Variants in ACTR2 observed in about 807,000 individuals in gnomAD.
ACTR2 encodes actin-related protein 2.
ACTR2 carries 5 observed loss-of-function variants against 50.2 expected under a neutral mutation model. That is an observed-to-expected ratio of 0.10 (90% CI 0.05 to 0.21). ACTR2 has a LOEUF of 0.21. ACTR2 is among the 10% of genes least tolerant of loss of function. The pLI is 1.00. For synonymous variants in ACTR2, 140 were observed against 162.9 expected, an observed-to-expected ratio of 0.86 and a Z score of 1.07; for missense variants, 180 against 480.6, an observed-to-expected ratio of 0.37 and a Z score of 5.85.
chr2:65,232,668 GA>G (rs569600127), intron 1 of ACTR2, among the ~76,000 whole-genome samples: 2,263 of 147,500 alleles, frequency 0.015, 47 homozygotes, highest in African/African-American at 0.041. Context: ...TTTTTGAAGA[GA>G]AAAAAAAAAT....
chr2:65,231,995 C>T (rs993924870), intron 1 of ACTR2, among the ~76,000 whole-genome samples: 10 of 152,214 alleles, frequency 6.6e-5, no homozygotes, highest in African/African-American at 9.6e-5. Context: ...ATGTTGGTCC[C>T]GCTTGATTTT....
At chr2:65,232,061 T>G (rs947385279) in intron 1 of ACTR2, among the ~76,000 whole-genome samples, 1 of 152,192 alleles carries the variant, frequency 6.6e-6, no homozygotes, top group Non-Finnish European at 1.5e-5. Context: ...GGAAAACTCA[T>G]TTGATCCAAT....
intron 6 of ACTR2, among the ~76,000 whole-genome samples, chr2:65,259,136 G>A (rs189930802): frequency 5.3e-5 from 8 of 152,016 alleles, no homozygotes; most frequent in Admixed American, 2.0e-4. Context: ...AACAATCATT[G>A]TAATTGGCCA....
intron 1 of ACTR2, among the ~76,000 whole-genome samples, chr2:65,229,796 C>T (rs892071029): frequency 6.7e-6 from 1 of 149,066 alleles, no homozygotes; most frequent in South Asian, 2.2e-4. Context: ...ATTAATGTGA[C>T]GGTTTTTAAG....
chr2:65,230,706 C>T (rs1323104738), intron 1 of ACTR2, among the ~76,000 whole-genome samples: 2 of 151,990 alleles, frequency 1.3e-5, no homozygotes, highest in Non-Finnish European at 2.9e-5. Flanking sequence ...CCACTGCACC[C>T]TGCTGTCAGA....
At chr2:65,228,914 T>C (rs1391398118) in intron 1 of ACTR2, among the ~76,000 whole-genome samples, 1 of 152,116 alleles carries the variant, frequency 6.6e-6, no homozygotes, top group Non-Finnish European at 1.5e-5. Flanking sequence ...CCCCGGTCTC[T>C]ACTAAAAATA....
rs1240297481 is a variant in ACTR2, at chr2:65,269,282, C to G, written c.*548C>G. The G allele has an allele frequency of 6.7e-6, 1 of 149,908 alleles. No homozygotes were observed. Among genetic ancestry groups the G allele is most frequent in the Non-Finnish European group, 1.5e-5 (1 of 67,726 alleles). The allele number at this position is 149,908 out of a possible 1,614,324, so 9.3% of individuals were successfully genotyped here. Reference sequence around the variant, plus strand: ...TCTTAGGGAAATGTTAGGTTCAGAACTAAAGTGTTTTGGGTGGGTTTTGTT... The same window carrying G: ...TCTTAGGGAAATGTTAGGTTCAGAAGTAAAGTGTTTTGGGTGGGTTTTGTT... On this transcript the variant is annotated 3_prime_UTR_variant, in exon 9 of 9. Transcript: ENST00000260641.
At chr2:65,243,352 G>A (rs746044399) in intron 2 of ACTR2, among the ~76,000 whole-genome samples, 4 of 152,088 alleles carry the variant, frequency 2.6e-5, no homozygotes, top group Non-Finnish European at 5.9e-5. Context: ...GTTTTTGACC[G>A]AGTGAGGTGT....
Position 65,230,784 on chromosome 2 carries a change from T to C in ACTR2, c.48+2827T>C, listed in dbSNP as rs181586951. On this transcript the variant is annotated intron_variant, in intron 1 of 8. Coordinates refer to ENST00000260641, the MANE Select transcript of ACTR2 (RefSeq NM_005722.4). The stretch of plus-strand genomic sequence containing the variant: ...AAGGCTGATTTTAGGCTGGGCGTTG[T>C]GGCTCATGCCTGTAATCCCAGCACT... 3.1e-3 allele frequency among the ~76,000 whole-genome samples: 479 copies of C among 152,230 alleles called. 1 individual carries two copies. The highest frequency in any genetic ancestry group is 0.011 in the African/African-American group (464 of 41,548).
At chr2:65,245,813 TG>T (rs1173581747) in intron 2 of ACTR2, among the ~76,000 whole-genome samples, 1 of 152,336 alleles carries the variant, frequency 6.6e-6, no homozygotes, top group East Asian at 1.9e-4. Flanking sequence ...TCATGTGTGA[TG>T]GTGTAGTTTT....
intron 4 of ACTR2, among the ~76,000 whole-genome samples, chr2:65,252,102 C>G (rs1274098259): frequency 1.3e-5 from 2 of 151,976 alleles, no homozygotes; most frequent in Non-Finnish European, 1.5e-5. Flanking sequence ...TGTGTGTGAC[C>G]TGATGGAAGT....
At chr2:65,250,267 G>A (rs1672018844) in intron 3 of ACTR2, among the ~76,000 whole-genome samples, 1 of 152,054 alleles carries the variant, frequency 6.6e-6, no homozygotes, top group Admixed American at 6.6e-5. Flanking sequence ...GGGAGGCTGA[G>A]GCAGGAGAAT....
At position 65,270,835 on chromosome 2, in the gene ACTR2, CATTTAAATTTGGG is replaced by C. The variant is rs1672480698; in HGVS notation, c.*2106_*2118del. 6.6e-6 allele frequency: 1 copy of C among 151,402 alleles called. No individual in the cohort carries two copies. The highest frequency in any genetic ancestry group is 2.4e-5 in the African/African-American group (1 of 41,198). The allele number at this position is 151,402 out of a possible 1,614,324, so 9.4% of individuals were successfully genotyped here. ...TTTACTATTCCAGGGTGACATAATGCATTTAAATTTGGGATTTGGGTGGAGTATTATGTTTAAC... is the reference window on the plus strand; with the variant it reads ...TTTACTATTCCAGGGTGACATAATGCATTTGGGTGGAGTATTATGTTTAAC... On this transcript the variant is annotated 3_prime_UTR_variant, in exon 9 of 9. Coordinates refer to ENST00000260641, the MANE Select transcript of ACTR2 (RefSeq NM_005722.4).
At position 65,227,837 on chromosome 2, in the gene ACTR2, G is replaced by A. The variant is rs1671555053; in HGVS notation, c.-73G>A. 9 of 1,470,024 alleles carry A rather than the reference G, an allele frequency of 6.1e-6. No homozygotes were observed. The highest frequency in any genetic ancestry group is 3.0e-5 in the East Asian group (1 of 33,728). 91.1% of individuals were successfully genotyped at this position (1,470,024 alleles called of 1,614,324 possible). ...AAGGAGGGGCCGGGAAGACGCAAGAGGAAGAAGAGAAAACGGCCGGGCGGC... is the reference window on the plus strand; with the variant it reads ...AAGGAGGGGCCGGGAAGACGCAAGAAGAAGAAGAGAAAACGGCCGGGCGGC... On this transcript the variant is annotated 5_prime_UTR_variant, in exon 1 of 9. Transcript: ENST00000260641.
intron 8 of ACTR2, among the ~76,000 whole-genome samples, chr2:65,267,039 C>T (rs544297675): frequency 2.6e-4 from 40 of 152,210 alleles, no homozygotes; most frequent in African/African-American, 9.6e-4. Flanking sequence ...TACCAAACCT[C>T]CAGGGTTAAG....
intron 4 of ACTR2, among the ~76,000 whole-genome samples, chr2:65,251,305 A>T (rs375375372): frequency 6.8e-5 from 1 of 14,644 alleles, no homozygotes; most frequent in Non-Finnish European, 1.3e-4. Flanking sequence ...TATTTAAGGT[A>T]AAAAAAAAAG....
chr2:65,268,941 C>T lies in ACTR2; in HGVS notation c.*207C>T, dbSNP rs8771. On this transcript the variant is annotated 3_prime_UTR_variant, in exon 9 of 9. Coordinates refer to ENST00000260641, the MANE Select transcript of ACTR2 (RefSeq NM_005722.4). ...TGAGTTTAATTCAACTGCTTCCCTACATAGACTAGAGGGCTAAGGATTCTG... is the reference window on the plus strand; with the variant it reads ...TGAGTTTAATTCAACTGCTTCCCTATATAGACTAGAGGGCTAAGGATTCTG... 0.15 allele frequency: 79,881 copies of T among 531,856 alleles called. 7,617 individuals carry two copies. Among genetic ancestry groups the T allele is most frequent in the Non-Finnish European group, 0.2 (58,452 of 297,934 alleles). The allele number at this position is 531,856 out of a possible 1,614,324, so 32.9% of individuals were successfully genotyped here.
chr2:65,268,458 G>A, intron 8 of ACTR2, 106 bp from the exon 9 acceptor site: 1 of 971,238 alleles, frequency 1.0e-6, no homozygotes, highest in Non-Finnish European at 1.5e-6. Context: ...TTATATTACA[G>A]GACTGTTGCA....
At chr2:65,233,274 C>T (rs916284282) in intron 1 of ACTR2, among the ~76,000 whole-genome samples, 18 of 151,808 alleles carry the variant, frequency 1.2e-4, no homozygotes, top group Non-Finnish European at 2.6e-4. Context: ...GGATTATAGG[C>T]GTGAGCACTG....
Sources: gnomAD v4.1 joint callset for allele counts (sites outside exome capture counted in the v4.1 genomes callset) on GRCh38, gnomAD v4.1.1 for gene constraint, MANE v1.5 for transcripts, NCBI Gene and HGNC (gene_info 2026-07-23, HGNC 2026-07-21) for gene names.